Variants in EPHA6 observed in about 807,000 individuals in gnomAD.
EPHA6 encodes the protein ephrin type-A receptor 6.
In EPHA6, 50 loss-of-function variants were observed where a neutral mutation model predicts 112.0. That is an observed-to-expected ratio of 0.45 (90% CI 0.36 to 0.56). The LOEUF (loss-of-function observed/expected upper bound fraction) is 0.56, where lower values mean the gene tolerates loss of function less well. EPHA6 is among the 20% of genes least tolerant of loss of function. The pLI is 0.00. For missense variants in EPHA6, 1,280 were observed against 1,417.4 expected, an observed-to-expected ratio of 0.90 and a Z score of 1.56; for synonymous variants, 529 against 490.7, an observed-to-expected ratio of 1.08 and a Z score of -1.03.
chr3:97,212,677 T>A (rs2077908942), intron 3 of EPHA6, among the ~76,000 whole-genome samples: 2 of 152,202 alleles, frequency 1.3e-5, no homozygotes, highest in Admixed American at 6.5e-5. Context: ...ATGTGCTTTT[T>A]TTCAAATCAT....
At chr3:97,514,824 G>A (rs2092422347) in intron 10 of EPHA6, among the ~76,000 whole-genome samples, 1 of 152,170 alleles carries the variant, frequency 6.6e-6, no homozygotes, top group Admixed American at 6.5e-5. Context: ...TGAGAAGGCA[G>A]CTGCCTACCA....
intron 11 of EPHA6, among the ~76,000 whole-genome samples, chr3:97,554,795 TG>T (rs1369995296): frequency 1.3e-5 from 2 of 152,034 alleles, no homozygotes; most frequent in Admixed American, 6.6e-5. Context: ...ATGGTGGTCA[TG>T]TTTTCTGTTT....
intron 11 of EPHA6, among the ~76,000 whole-genome samples, chr3:97,568,767 G>C (rs1329924997): frequency 6.6e-6 from 1 of 152,272 alleles, no homozygotes; most frequent in East Asian, 1.9e-4. Flanking sequence ...TTTTATTCAA[G>C]GAGGGCTATG....
At chr3:96,817,319 A>G (rs1335478755) in intron 1 of EPHA6, among the ~76,000 whole-genome samples, 2 of 151,948 alleles carry the variant, frequency 1.3e-5, no homozygotes, top group Non-Finnish European at 2.9e-5. Flanking sequence ...ATAAAATGCT[A>G]GGTTTCTAAA....
intron 2 of EPHA6, among the ~76,000 whole-genome samples, chr3:96,946,589 G>A (rs917522095): frequency 6.6e-6 from 1 of 152,112 alleles, no homozygotes; most frequent in African/African-American, 2.4e-5. Context: ...GGACATTTGG[G>A]TTGGTTCCAA....
intron 2 of EPHA6, among the ~76,000 whole-genome samples, chr3:96,908,346 G>T (rs968504930): frequency 1.3e-5 from 2 of 151,936 alleles, no homozygotes; most frequent in African/African-American, 4.8e-5. Flanking sequence ...GAATAAAGCT[G>T]AATAACCACA....
chr3:96,890,527 A>C, intron 2 of EPHA6, among the ~76,000 whole-genome samples: 1 of 152,358 alleles, frequency 6.6e-6, no homozygotes, highest in East Asian at 1.9e-4. Context: ...TATAATATTT[A>C]TGTGGAACAT....
At chr3:97,539,176 C>G (rs1157982421) in intron 11 of EPHA6, among the ~76,000 whole-genome samples, 1 of 146,408 alleles carries the variant, frequency 6.8e-6, no homozygotes, top group Non-Finnish European at 1.5e-5. Context: ...GAGACACAGC[C>G]TCCCTCTGTT....
At chr3:96,926,124 C>G (rs978162254) in intron 2 of EPHA6, among the ~76,000 whole-genome samples, 1 of 151,968 alleles carries the variant, frequency 6.6e-6, no homozygotes, top group Non-Finnish European at 1.5e-5. Flanking sequence ...GTAGGGAGGC[C>G]TCAGGAAACT....
chr3:97,442,356 C>T (rs188647347), intron 6 of EPHA6, among the ~76,000 whole-genome samples: 1 of 152,158 alleles, frequency 6.6e-6, no homozygotes. Context: ...GAGGCCAAGG[C>T]GAGTGGACCA....
At chr3:97,628,057 C>A (rs1576126245) in intron 13 of EPHA6, among the ~76,000 whole-genome samples, 1 of 151,906 alleles carries the variant, frequency 6.6e-6, no homozygotes, top group South Asian at 2.1e-4. Context: ...AGCATGATGA[C>A]CTAATTACTA....
In EPHA6 at chr3:97,167,371, A is replaced by G. The variant is rs185083133; in HGVS notation, c.1115-58893A>G. Reference sequence around the variant, plus strand: ...TATCTCAGAAATTCTACATAGTCCCAGCTTCCTCTTAATGAAGTCTCAATG... The same window carrying G: ...TATCTCAGAAATTCTACATAGTCCCGGCTTCCTCTTAATGAAGTCTCAATG... On this transcript the variant is annotated intron_variant, in intron 3 of 17. Coordinates refer to ENST00000389672, the MANE Select transcript of EPHA6 (RefSeq NM_001080448.3). Among the ~76,000 whole-genome samples the G allele has an allele frequency of 2.6e-4, 40 of 152,020 alleles. 1 individual carries two copies. Among genetic ancestry groups the G allele is most frequent in the South Asian group, 2.1e-4 (1 of 4,830 alleles).
intron 2 of EPHA6, among the ~76,000 whole-genome samples, chr3:96,937,749 T>A (rs1345117864): frequency 2.6e-5 from 4 of 152,180 alleles, no homozygotes; most frequent in Admixed American, 1.3e-4. Context: ...AGGTCTAACA[T>A]TGAAGTCTTT....
intron 3 of EPHA6, among the ~76,000 whole-genome samples, chr3:97,188,841 A>G (rs566520475): frequency 6.6e-6 from 1 of 152,134 alleles, no homozygotes; most frequent in South Asian, 2.1e-4. Context: ...ACATATGTTT[A>G]TAAAAGCATA....
At chr3:96,898,820 G>A (rs2038429686) in intron 2 of EPHA6, among the ~76,000 whole-genome samples, 1 of 151,864 alleles carries the variant, frequency 6.6e-6, no homozygotes, top group Non-Finnish European at 1.5e-5. Flanking sequence ...ACGAGGTCAG[G>A]AGATCGAGAC....
intron 11 of EPHA6, among the ~76,000 whole-genome samples, chr3:97,543,522 G>A (rs1435575462): frequency 6.6e-6 from 1 of 152,188 alleles, no homozygotes; most frequent in Admixed American, 6.5e-5. Flanking sequence ...TTGAAGTCAG[G>A]TAGCGTGCTG....
At chr3:97,134,507 C>A (rs556654797) in intron 3 of EPHA6, among the ~76,000 whole-genome samples, 1 of 151,994 alleles carries the variant, frequency 6.6e-6, no homozygotes, top group African/African-American at 2.4e-5. Flanking sequence ...CAAGAGTCAT[C>A]GATTCTGAAA....
chr3:97,714,508 A>G (rs1388375589), intron 14 of EPHA6, among the ~76,000 whole-genome samples: 1 of 152,246 alleles, frequency 6.6e-6, no homozygotes, highest in Non-Finnish European at 1.5e-5. Flanking sequence ...CCTCTCTGAA[A>G]GAGGCTGGGC....
chr3:97,359,051 CTTA>C (rs2084229649), intron 5 of EPHA6, among the ~76,000 whole-genome samples: 1 of 142,692 alleles, frequency 7.0e-6, no homozygotes, highest in Non-Finnish European at 1.5e-5. Flanking sequence ...TTGAGTTCAT[CTTA>C]TTTGGATATA....
Sources: gnomAD v4.1 joint callset for allele counts (sites outside exome capture counted in the v4.1 genomes callset) on GRCh38, gnomAD v4.1.1 for gene constraint, MANE v1.5 for transcripts, NCBI Gene and HGNC (gene_info 2026-07-23, HGNC 2026-07-21) for gene names.